Variants in SDK1 observed in about 807,000 individuals in gnomAD.
SDK1 encodes the protein sidekick cell adhesion molecule 1, also known as protein sidekick-1.
In SDK1, 157 loss-of-function variants were observed where a neutral mutation model predicts 245.5. The observed-to-expected ratio is 0.64, with a 90% CI of 0.56 to 0.73. SDK1 has a LOEUF of 0.73. Among genes scored for constraint, SDK1 ranks in the 30% least tolerant of loss-of-function variants. The pLI is 0.00. For missense variants in SDK1, 3,583 were observed against 3,002.3 expected, an observed-to-expected ratio of 1.19 and a Z score of -4.52; for synonymous variants, 1,647 against 1,278.5, an observed-to-expected ratio of 1.29 and a Z score of -6.15.
At chr7:3,707,331 T>C (rs1784919277) in intron 4 of SDK1, among the ~76,000 whole-genome samples, 1 of 152,226 alleles carries the variant, frequency 6.6e-6, no homozygotes, top group African/African-American at 2.4e-5. Flanking sequence ...CAGGAGCAGG[T>C]TGTTTAATTT....
chr7:3,961,382 G>A (rs1347987400), intron 8 of SDK1, among the ~76,000 whole-genome samples: 3 of 152,190 alleles, frequency 2.0e-5, no homozygotes, highest in East Asian at 3.8e-4. Flanking sequence ...TTATTCCATG[G>A]CATTAACTTT....
intron 5 of SDK1, among the ~76,000 whole-genome samples, chr7:3,848,184 ATAAT>A (rs1323497122): frequency 6.6e-6 from 1 of 152,246 alleles, no homozygotes; most frequent in East Asian, 1.9e-4. Flanking sequence ...AACTTCATAA[ATAAT>A]TATTAAACCT....
intron 1 of SDK1, among the ~76,000 whole-genome samples, chr7:3,493,826 T>C (rs1177325516): frequency 1.3e-5 from 2 of 152,228 alleles, no homozygotes; most frequent in Non-Finnish European, 2.9e-5. Flanking sequence ...AATCTGTCTC[T>C]ACATGGAATG....
chr7:4,055,940 T>G (rs1779167894), intron 19 of SDK1, among the ~76,000 whole-genome samples: 1 of 152,234 alleles, frequency 6.6e-6, no homozygotes, highest in African/African-American at 2.4e-5. Context: ...GAGATTCTAT[T>G]GTCTTTCTGC....
intron 4 of SDK1, among the ~76,000 whole-genome samples, chr7:3,754,871 C>T (rs1457353554): frequency 6.6e-6 from 1 of 152,166 alleles, no homozygotes; most frequent in Non-Finnish European, 1.5e-5. Flanking sequence ...GAAAGGGAAT[C>T]GCAGCACAGG....
At chr7:4,202,023 T>A (rs1783915494) in intron 35 of SDK1, among the ~76,000 whole-genome samples, 1 of 152,170 alleles carries the variant, frequency 6.6e-6, no homozygotes, top group Non-Finnish European at 1.5e-5. Flanking sequence ...GCAGTGCCCT[T>A]GCTCCCTGGC....
intron 2 of SDK1, among the ~76,000 whole-genome samples, chr7:3,628,221 G>C (rs538864514): frequency 6.6e-6 from 1 of 152,242 alleles, no homozygotes; most frequent in South Asian, 2.1e-4. Flanking sequence ...TCTTACTCTT[G>C]TGGCTACATA....
At position 3,455,897 on chromosome 7, in the gene SDK1, T is replaced by G. The variant is rs900965611; in HGVS notation, c.298+154013T>G. Among the ~76,000 whole-genome samples the G allele has an allele frequency of 3.3e-5, 5 of 152,254 alleles. No individual in the cohort carries two copies. In the South Asian group the frequency reaches 1.0e-3, roughly 31 times the overall value. ...GTTGACATTCTATAAGGTGACATTC[T>G]ATGCATATAAGTTGACATTCTATGC... On this transcript the variant is annotated intron_variant, in intron 1 of 44. Transcript: ENST00000404826.
At chr7:3,513,765 T>A (rs923837579) in intron 1 of SDK1, among the ~76,000 whole-genome samples, 1 of 152,134 alleles carries the variant, frequency 6.6e-6, no homozygotes, top group Admixed American at 6.6e-5. Context: ...CCAGCAGGTT[T>A]TATAACTTTT....
At chr7:3,589,054 GT>G (rs1467292896) in intron 1 of SDK1, among the ~76,000 whole-genome samples, 1 of 152,216 alleles carries the variant, frequency 6.6e-6, no homozygotes, top group Non-Finnish European at 1.5e-5. Context: ...GCTAACAGCT[GT>G]TTTACGGACA....
At chr7:3,415,204 A>G (rs760937203) in intron 1 of SDK1, among the ~76,000 whole-genome samples, 1 of 152,194 alleles carries the variant, frequency 6.6e-6, no homozygotes, top group African/African-American at 2.4e-5. Flanking sequence ...GAAGGATTTG[A>G]TGGGCTAGAG....
At chr7:4,234,890 A>G (rs1786051847) in intron 41 of SDK1, among the ~76,000 whole-genome samples, 2 of 152,218 alleles carry the variant, frequency 1.3e-5, no homozygotes, top group East Asian at 1.9e-4. Context: ...AGCCTCAGCC[A>G]GAAGCCCCAG....
At chr7:3,370,751 C>T (rs906638509) in intron 1 of SDK1, among the ~76,000 whole-genome samples, 1 of 152,156 alleles carries the variant, frequency 6.6e-6, no homozygotes, top group Admixed American at 6.5e-5. Flanking sequence ...GACAAATGCC[C>T]CACGCTGGGT....
At chr7:3,524,752 G>C (rs1235889296) in intron 1 of SDK1, among the ~76,000 whole-genome samples, 2 of 152,168 alleles carry the variant, frequency 1.3e-5, no homozygotes, top group Admixed American at 1.3e-4. Flanking sequence ...AGAAGGAACT[G>C]TTGCACAGGC....
chr7:3,474,986 C>T (rs561718252), intron 1 of SDK1, among the ~76,000 whole-genome samples: 1 of 152,176 alleles, frequency 6.6e-6, no homozygotes, highest in Non-Finnish European at 1.5e-5. Context: ...CCACCGTGTC[C>T]AGCCCTGACC....
chr7:4,009,125 TATC>T (rs1785734520), intron 14 of SDK1, among the ~76,000 whole-genome samples: 1 of 152,250 alleles, frequency 6.6e-6, no homozygotes, highest in African/African-American at 2.4e-5. Context: ...TTAGATGCAA[TATC>T]ATTGTGGTTC....
At chr7:4,154,959 G>A (rs1043193733) in intron 30 of SDK1, among the ~76,000 whole-genome samples, 2 of 151,998 alleles carry the variant, frequency 1.3e-5, no homozygotes, top group Non-Finnish European at 1.5e-5. Context: ...CAGGAGCAAC[G>A]GGGGTGGGGG....
chr7:3,309,223 G>A (rs868686419), intron 1 of SDK1, among the ~76,000 whole-genome samples: 8 of 152,032 alleles, frequency 5.3e-5, no homozygotes, highest in Admixed American at 1.3e-4. Flanking sequence ...TGTTAGGCGC[G>A]ATGCAAAAAG....
intron 25 of SDK1, among the ~76,000 whole-genome samples, chr7:4,115,522 A>G (rs894737911): frequency 7.2e-5 from 11 of 152,174 alleles, no homozygotes; most frequent in Non-Finnish European, 1.5e-4. Context: ...TCTCTGCGTT[A>G]ATGAGAATAT....
Sources: gnomAD v4.1 joint callset for allele counts (sites outside exome capture counted in the v4.1 genomes callset) on GRCh38, gnomAD v4.1.1 for gene constraint, MANE v1.5 for transcripts, NCBI Gene and HGNC (gene_info 2026-07-23, HGNC 2026-07-21) for gene names.